The following KDM6A variants were observed in gnomAD, a reference collection of about 807,000 sequenced individuals.
The protein encoded by KDM6A is lysine demethylase 6A, also known as lysine-specific demethylase 6A.
Under a neutral mutation model 117.6 loss-of-function variants are expected in KDM6A, and 11 were observed. That is an observed-to-expected ratio of 0.09 (90% CI 0.06 to 0.15). KDM6A has a LOEUF of 0.15. KDM6A is among the 10% of genes least tolerant of loss of function. The pLI, the probability that KDM6A is intolerant of heterozygous loss-of-function variation, is 1.00. For missense variants in KDM6A, 799 were observed against 1,077.3 expected (o/e 0.74, Z 3.62); for synonymous variants, 384 against 396.1 (o/e 0.97, Z 0.36).
intron 4 of KDM6A, among the ~76,000 whole-genome samples, chrX:45,004,352 T>C (rs764793533): frequency 3.6e-5 from 4 of 111,614 alleles, no homozygotes; most frequent in Admixed American, 1.9e-4. Context: ...TGTTGGAAGG[T>C]AGAAAACGTA....
In KDM6A at chrX:44,877,006, C is replaced by CTCGTAT. The variant is rs1189946372; in HGVS notation, c.225+3019_225+3020insTCGTAT. ...ACACGTATACGCATACGTATATACA[C>CTCGTAT]ACGTATACGTGTATACATATATACA... is the stretch of plus-strand genomic sequence containing the variant. On this transcript the variant is annotated intron_variant, in intron 2 of 29. Transcript: ENST00000611820. 1.5e-3 allele frequency among the ~76,000 whole-genome samples: 166 copies of CTCGTAT among 112,061 alleles called. 1 individual carries two copies. The highest frequency in any genetic ancestry group is 5.2e-3 in the African/African-American group (160 of 31,044).
chrX:44,891,699 C>G (rs1476347250), intron 2 of KDM6A, among the ~76,000 whole-genome samples: 1 of 111,915 alleles, frequency 8.9e-6, no homozygotes, highest in East Asian at 2.8e-4. Context: ...ACAAAGGAGG[C>G]AGGGTCATTT....
intron 2 of KDM6A, among the ~76,000 whole-genome samples, chrX:44,910,252 T>C (rs2035001037): frequency 2.7e-5 from 3 of 112,016 alleles, no homozygotes; most frequent in African/African-American, 9.7e-5. Flanking sequence ...AGTGGCGTGA[T>C]CTTGGTTCAC....
intron 12 of KDM6A, 34 bp downstream of exon 12, chrX:45,059,500 C>T (rs1422752588): frequency 2.0e-6 from 2 of 1,009,336 alleles, no homozygotes; most frequent in Non-Finnish European, 2.8e-6. Flanking sequence ...TTTAAAGCCA[C>T]ATATTTCCCC....
At chrX:45,002,867 C>A (rs904234137) in intron 4 of KDM6A, among the ~76,000 whole-genome samples, 2 of 69,996 alleles carry the variant, frequency 2.9e-5, no homozygotes, top group East Asian at 1.1e-3. Flanking sequence ...CCCCGCCCCC[C>A]CCCCCCTTTT....
At chrX:45,023,243 C>G (rs1034736391) in intron 6 of KDM6A, among the ~76,000 whole-genome samples, 1 of 111,987 alleles carries the variant, frequency 8.9e-6, no homozygotes, top group Admixed American at 9.5e-5. Flanking sequence ...CTGTCCGTTA[C>G]AGATCAGATC....
chrX:44,927,352 A>T (rs2036367529), intron 2 of KDM6A, among the ~76,000 whole-genome samples: 1 of 110,973 alleles, frequency 9.0e-6, no homozygotes, highest in Non-Finnish European at 1.9e-5. Context: ...GGAAAACTAT[A>T]TATAAAACAA....
intron 6 of KDM6A, among the ~76,000 whole-genome samples, chrX:45,024,748 TC>T (rs1419858080): frequency 5.0e-4 from 56 of 112,361 alleles, no homozygotes; most frequent in African/African-American, 1.8e-3. Flanking sequence ...GATGTTATCT[TC>T]TAGAATTTAT....
At chrX:44,902,533 G>A (rs2034419688) in intron 2 of KDM6A, among the ~76,000 whole-genome samples, 1 of 109,627 alleles carries the variant, frequency 9.1e-6, no homozygotes, top group Non-Finnish European at 1.9e-5. Flanking sequence ...GGGATTACAG[G>A]CGTATGCCAC....
chrX:44,899,728 G>T (rs1037862343), intron 2 of KDM6A, among the ~76,000 whole-genome samples: 2 of 111,178 alleles, frequency 1.8e-5, no homozygotes, highest in African/African-American at 6.5e-5. Flanking sequence ...CTTGTTTGTT[G>T]TATTATGTTC....
chrX:45,013,825 C>A (rs1349538101), intron 5 of KDM6A, among the ~76,000 whole-genome samples: 1 of 112,269 alleles, frequency 8.9e-6, no homozygotes, highest in East Asian at 2.8e-4. Context: ...ATTTCTTTAA[C>A]AGCTATAAAA....
chrX:44,914,552 A>C (rs1223273529), intron 2 of KDM6A, among the ~76,000 whole-genome samples: 1 of 111,143 alleles, frequency 9.0e-6, no homozygotes, highest in African/African-American at 3.3e-5. Context: ...CATAAGAAAG[A>C]TGTTACTATT....
chrX:44,953,830 G>A (rs964242718), intron 2 of KDM6A, among the ~76,000 whole-genome samples: 2 of 111,288 alleles, frequency 1.8e-5, no homozygotes, highest in African/African-American at 3.3e-5. Context: ...CAGCACTTTG[G>A]GAGGCCAAGG....
chrX:44,987,718 G>A (rs1430892685), intron 4 of KDM6A, among the ~76,000 whole-genome samples: 2 of 111,688 alleles, frequency 1.8e-5, no homozygotes, highest in Non-Finnish European at 3.8e-5. Context: ...TTTTCTTTAA[G>A]AATGTTGAAT....
At chrX:45,062,183 A>G (rs907282749) in intron 15 of KDM6A, among the ~76,000 whole-genome samples, 2 of 111,571 alleles carry the variant, frequency 1.8e-5, no homozygotes, top group Non-Finnish European at 3.8e-5. Flanking sequence ...CTGCATGTCA[A>G]TATGTGAAGA....
At chrX:44,933,307 G>A (rs1569454370) in intron 2 of KDM6A, among the ~76,000 whole-genome samples, 1 of 75,630 alleles carries the variant, frequency 1.3e-5, no homozygotes, top group Admixed American at 2.2e-4. Context: ...TCACTCTGTC[G>A]CCCAGGCTGG....
At chrX:44,986,432 T>C (rs1431581958) in intron 4 of KDM6A, among the ~76,000 whole-genome samples, 2 of 111,597 alleles carry the variant, frequency 1.8e-5, no homozygotes, top group African/African-American at 6.5e-5. Flanking sequence ...CTGATCTTAG[T>C]TATTTCTTGC....
rs140152547 is a variant in KDM6A, at chrX:44,948,848, G to T, written c.226-12436G>T. ...AATGAAAAAACTTGAAACCAGCACC[G>T]CTGGTGGAAGGTTATATTGGTTCAG... On this transcript the variant is annotated intron_variant, in intron 2 of 29. Transcript: ENST00000611820. Among the ~76,000 whole-genome samples, 119 of 111,792 alleles carry T rather than the reference G, an allele frequency of 1.1e-3. No individual in the cohort carries two copies. In the East Asian group the frequency reaches 0.027, roughly 25 times the overall value.
intron 2 of KDM6A, among the ~76,000 whole-genome samples, chrX:44,879,070 A>T (rs750897116): frequency 1.8e-5 from 2 of 111,750 alleles, no homozygotes; most frequent in East Asian, 5.6e-4. Flanking sequence ...AATTTTTGTG[A>T]CTTAGGTGAA....
Sources: gnomAD v4.1 joint callset for allele counts (sites outside exome capture counted in the v4.1 genomes callset) on GRCh38, gnomAD v4.1.1 for gene constraint, MANE v1.5 for transcripts, NCBI Gene and HGNC (gene_info 2026-07-23, HGNC 2026-07-21) for gene names.